The following EHMT1 variants were observed in gnomAD, a reference collection of about 807,000 sequenced individuals.
The protein encoded by EHMT1 is euchromatic histone lysine methyltransferase 1.
A neutral mutation model predicts 147.2 loss-of-function variants in EHMT1; 15 were observed. That is an observed-to-expected ratio of 0.10 (90% CI 0.07 to 0.16). The LOEUF (loss-of-function observed/expected upper bound fraction) is 0.16, where lower values mean the gene tolerates loss of function less well. EHMT1 is among the 10% of genes least tolerant of loss of function. The probability of loss-of-function intolerance (pLI) is 1.00; values close to 1 mark genes in which losing one functional copy is unlikely to be tolerated. For synonymous variants in EHMT1, 795 were observed against 709.6 expected, an observed-to-expected ratio of 1.12 and a Z score of -1.91; for missense variants, 1,587 against 1,772.4, an observed-to-expected ratio of 0.90 and a Z score of 1.88.
At chr9:137,736,292 T>C (rs951323226) in intron 4 of EHMT1, among the ~76,000 whole-genome samples, 2 of 152,240 alleles carry the variant, frequency 1.3e-5, no homozygotes, top group African/African-American at 4.8e-5. Flanking sequence ...AACATTTACA[T>C]ACCCAACGAA....
chr9:137,781,210 T>G (rs1588675528), intron 14 of EHMT1, among the ~76,000 whole-genome samples: 1 of 96,912 alleles, frequency 1.0e-5, no homozygotes, highest in Non-Finnish European at 1.8e-5. Context: ...CTGAGACGTG[T>G]GGTGACGACG....
Position 137,786,173 on chromosome 9 carries a change from T to C in EHMT1, c.2382+3776T>C, listed in dbSNP as rs1297646664. ...AGTGCCGTGAAATAACATGATGTAT[T>C]GGGAGGAAATCATTATGTCCCTTGG... On this transcript the variant is annotated intron_variant, in intron 15 of 26. Transcript: ENST00000460843. This position sits in a 1 kb window ranked among gnomAD's most constrained non-coding sequence, Gnocchi z 4.3. The C allele has an allele frequency of 6.6e-6, 1 of 152,250 alleles. No homozygotes were observed. Among genetic ancestry groups the C allele is most frequent in the Admixed American group, 6.5e-5 (1 of 15,286 alleles). The allele number at this position is 152,250 out of a possible 1,614,324, so 9.4% of individuals were successfully genotyped here.
chr9:137,714,528 G>A (rs1179648492), intron 2 of EHMT1, among the ~76,000 whole-genome samples: 3 of 151,036 alleles, frequency 2.0e-5, no homozygotes, highest in Non-Finnish European at 4.4e-5. Context: ...TGTTGTTGGG[G>A]GGTGCGGAGC....
chr9:137,830,653 G>GA (rs11376299), intron 25 of EHMT1, among the ~76,000 whole-genome samples: 21,943 of 152,096 alleles, frequency 0.14, 5,208 homozygotes, highest in African/African-American at 0.49. Flanking sequence ...TCACTCCTTA[G>GA]AACATGTCCC....
intron 1 of EHMT1, among the ~76,000 whole-genome samples, chr9:137,686,379 T>A (rs150685965): frequency 1.8e-4 from 27 of 152,252 alleles, no homozygotes; most frequent in East Asian, 1.2e-3. Flanking sequence ...GAGGCAGTTT[T>A]AAAAATTTTT....
chr9:137,670,512 C>T (rs1266338859), intron 1 of EHMT1, among the ~76,000 whole-genome samples: 2 of 152,132 alleles, frequency 1.3e-5, no homozygotes, highest in Non-Finnish European at 2.9e-5. Context: ...AGCTCCGTTT[C>T]CTGCTCCCTT....
At chr9:137,753,354 AT>A (rs1159259927) in intron 7 of EHMT1, among the ~76,000 whole-genome samples, 1 of 152,130 alleles carries the variant, frequency 6.6e-6, no homozygotes, top group Non-Finnish European at 1.5e-5. Flanking sequence ...GGGCAGCTAG[AT>A]TTCCAGCAGC....
intron 10 of EHMT1, among the ~76,000 whole-genome samples, chr9:137,772,243 A>G (rs10867066): frequency 0.28 from 43,102 of 152,088 alleles, 6,641 homozygotes; most frequent in Admixed American, 0.41. Flanking sequence ...GTTATAGGGG[A>G]TGGCTTGAAC....
At chr9:137,781,610 G>A (rs1017510144) in intron 14 of EHMT1, among the ~76,000 whole-genome samples, 1 of 152,166 alleles carries the variant, frequency 6.6e-6, no homozygotes, top group Non-Finnish European at 1.5e-5. Flanking sequence ...TTTCTAATAC[G>A]CAAAAGCATA....
At chr9:137,628,418 T>TAA (rs1843405167) in intron 1 of EHMT1, among the ~76,000 whole-genome samples, 1 of 152,224 alleles carries the variant, frequency 6.6e-6, no homozygotes, top group Admixed American at 6.5e-5. Context: ...TAAAATTACT[T>TAA]AAACATTTAA....
At chr9:137,756,112 A>G (rs992325882) in intron 8 of EHMT1, among the ~76,000 whole-genome samples, 1 of 152,178 alleles carries the variant, frequency 6.6e-6, no homozygotes, top group Non-Finnish European at 1.5e-5. Flanking sequence ...GCTCTAAGAA[A>G]TCTTTGACAG....
chr9:137,680,740 G>T (rs560172749), intron 1 of EHMT1, among the ~76,000 whole-genome samples: 6 of 152,360 alleles, frequency 3.9e-5, no homozygotes, highest in African/African-American at 9.6e-5. Context: ...GGTGCACTGT[G>T]TGCGGGGCAC....
intron 1 of EHMT1, among the ~76,000 whole-genome samples, chr9:137,678,351 C>T (rs772709826): frequency 2.6e-5 from 4 of 152,198 alleles, no homozygotes; most frequent in Non-Finnish European, 1.5e-5. Context: ...GGCCTTTCAC[C>T]ATAACGCTGC....
intron 1 of EHMT1, among the ~76,000 whole-genome samples, chr9:137,689,349 A>G (rs1226739531): frequency 6.6e-6 from 1 of 152,064 alleles, no homozygotes; most frequent in Non-Finnish European, 1.5e-5. Context: ...TTTTGTGAGT[A>G]TGTACTTTTT....
At position 137,711,155 on chromosome 9, in the gene EHMT1, A is replaced by C. The variant is rs1272825322; in HGVS notation, c.85+125A>C. ...TTTGCTTCACCTAGGTTTATGGTATAGTTTCTAATCTATCCCATTCCTAAA... is the reference window on the plus strand; with the variant it reads ...TTTGCTTCACCTAGGTTTATGGTATCGTTTCTAATCTATCCCATTCCTAAA... On this transcript the variant is annotated intron_variant, in intron 2 of 26. Coordinates refer to ENST00000460843, the MANE Select transcript of EHMT1 (RefSeq NM_024757.5). 19 of 981,894 alleles carry C rather than the reference A, an allele frequency of 1.9e-5. No homozygotes were observed. The Admixed American group carries it at 4.5e-4, about 23-fold the overall frequency. The allele number at this position is 981,894 out of a possible 1,614,324, so 60.8% of individuals were successfully genotyped here. A position where few individuals can be genotyped will look rare whatever the true frequency, so the allele number is the denominator to read the frequency against.
At chr9:137,733,211 G>A (rs900003590) in intron 4 of EHMT1, among the ~76,000 whole-genome samples, 1 of 152,250 alleles carries the variant, frequency 6.6e-6, no homozygotes, top group African/African-American at 2.4e-5. Context: ...GCTGGGGATG[G>A]CCGTGCTGAA....
intron 16 of EHMT1, chr9:137,795,148 A>G (rs1298364932): frequency 1.3e-5 from 2 of 152,172 alleles, no homozygotes; most frequent in African/African-American, 4.8e-5. Context: ...TCTAAACAAG[A>G]GTGAAGTTCT....
intron 3 of EHMT1, among the ~76,000 whole-genome samples, chr9:137,719,608 G>GAAA (rs926666591): frequency 4.7e-4 from 72 of 152,268 alleles, no homozygotes; most frequent in African/African-American, 1.7e-3. Flanking sequence ...AGTGTCACAG[G>GAAA]AAACTGCAAA....
At chr9:137,684,850 G>A (rs1314558015) in intron 1 of EHMT1, among the ~76,000 whole-genome samples, 1 of 152,100 alleles carries the variant, frequency 6.6e-6, no homozygotes, top group Non-Finnish European at 1.5e-5. Context: ...AAGTTTATAT[G>A]TATGTTTAAA....
Sources: allele counts gnomAD v4.1 joint callset (sites outside exome capture counted in the v4.1 genomes callset), GRCh38; gene constraint gnomAD v4.1.1; non-coding constraint Gnocchi (gnomAD v3.1); transcripts MANE v1.5; gene names NCBI Gene and HGNC (gene_info 2026-07-23, HGNC 2026-07-21).